The following PIK3C2G variants were observed in gnomAD, a reference collection of about 807,000 sequenced individuals.
PIK3C2G encodes the protein phosphatidylinositol 3-kinase C2 domain-containing subunit gamma.
Under a neutral mutation model 181.1 loss-of-function variants are expected in PIK3C2G, and 168 were observed. The ratio of observed to expected loss-of-function variants is 0.93; its 90% confidence interval spans 0.82 to 1.05. The LOEUF (loss-of-function observed/expected upper bound fraction) is 1.05, where lower values mean the gene tolerates loss of function less well. PIK3C2G is among the 50% of genes least tolerant of loss of function. The pLI, the probability that PIK3C2G is intolerant of heterozygous loss-of-function variation, is 0.00. For synonymous variants in PIK3C2G, 573 were observed against 592.2 expected (o/e 0.97, Z 0.47); for missense variants, 1,869 against 1,732.8 (o/e 1.08, Z -1.40).
chr12:18,416,266 G>T (rs889316380), intron 16 of PIK3C2G, among the ~76,000 whole-genome samples: 1 of 151,476 alleles, frequency 6.6e-6, no homozygotes, highest in East Asian at 1.9e-4. Flanking sequence ...GAAAAGAAAA[G>T]AAAAGAAGGA....
chr12:18,311,521 G>T (rs549620853), intron 5 of PIK3C2G, among the ~76,000 whole-genome samples: 1 of 131,002 alleles, frequency 7.6e-6, no homozygotes, highest in African/African-American at 2.8e-5. Context: ...CACCTATATG[G>T]TATAAAGGGG....
At chr12:18,434,441 T>C (rs1427103637) in intron 18 of PIK3C2G, among the ~76,000 whole-genome samples, 3 of 151,836 alleles carry the variant, frequency 2.0e-5, no homozygotes, top group Non-Finnish European at 4.4e-5. Flanking sequence ...CATATAATCA[T>C]AGAATCATAG....
At chr12:18,695,530 G>C in the PIK3C2G span, among the ~76,000 whole-genome samples, 5 of 152,090 alleles carry the variant, frequency 3.3e-5, no homozygotes, top group African/African-American at 1.2e-4. Context: ...CAATATGGAA[G>C]TACCTCAGTA....
intron 29 of PIK3C2G, among the ~76,000 whole-genome samples, chr12:18,579,860 C>G (rs915606871): frequency 6.6e-6 from 1 of 152,080 alleles, no homozygotes; most frequent in African/African-American, 2.4e-5. Context: ...AACTGCTGGG[C>G]GTGGTGGCTT....
At chr12:18,634,668 C>A (rs971898236) in intron 31 of PIK3C2G, among the ~76,000 whole-genome samples, 1 of 152,102 alleles carries the variant, frequency 6.6e-6, no homozygotes, top group African/African-American at 2.4e-5. Context: ...AATAAAAGTC[C>A]GTGTTGCTGA....
intron 18 of PIK3C2G, among the ~76,000 whole-genome samples, chr12:18,430,441 C>A (rs1946091432): frequency 6.6e-6 from 1 of 152,174 alleles, no homozygotes; most frequent in Admixed American, 6.5e-5. Context: ...AAGTGAGGCT[C>A]CCATTTGCAA....
chr12:18,566,045 T>C (rs1010883403), intron 28 of PIK3C2G, among the ~76,000 whole-genome samples: 42 of 152,312 alleles, frequency 2.8e-4, no homozygotes, highest in African/African-American at 9.9e-4. Context: ...TTAAAGACTT[T>C]TAAGTCTTAG....
intron 26 of PIK3C2G, among the ~76,000 whole-genome samples, chr12:18,549,850 C>T (rs1944630703): frequency 6.6e-6 from 1 of 151,936 alleles, no homozygotes; most frequent in Non-Finnish European, 1.5e-5. Flanking sequence ...TAAAGGGTAA[C>T]TTGGCAGCTG....
At chr12:18,394,318 C>G (rs904549128) in intron 15 of PIK3C2G, among the ~76,000 whole-genome samples, 1 of 151,914 alleles carries the variant, frequency 6.6e-6, no homozygotes, top group African/African-American at 2.4e-5. Context: ...GAGATCTGAC[C>G]CCTGAAAAAT....
intron 31 of PIK3C2G, among the ~76,000 whole-genome samples, chr12:18,624,528 T>G (rs529018248): frequency 6.6e-6 from 1 of 151,600 alleles, no homozygotes; most frequent in Non-Finnish European, 1.5e-5. Context: ...TCTCCCTATA[T>G]TGTAAGGGTA....
chr12:18,402,873 C>T (rs1219266379), intron 16 of PIK3C2G, among the ~76,000 whole-genome samples: 2 of 152,082 alleles, frequency 1.3e-5, no homozygotes, highest in East Asian at 1.9e-4. Flanking sequence ...CCCCTTAGTA[C>T]TATCTCATAT....
At chr12:18,300,095 G>C (rs1273444982) in intron 5 of PIK3C2G, among the ~76,000 whole-genome samples, 2 of 151,824 alleles carry the variant, frequency 1.3e-5, no homozygotes, top group Non-Finnish European at 2.9e-5. Flanking sequence ...TGACTAGTTT[G>C]AAAATAATTT....
intron 29 of PIK3C2G, among the ~76,000 whole-genome samples, chr12:18,573,279 C>T (rs529715851): frequency 5.3e-5 from 8 of 152,242 alleles, no homozygotes; most frequent in African/African-American, 7.2e-5. Flanking sequence ...TCAGATTATT[C>T]GAAACTGAAC....
At chr12:18,694,775 C>A in the PIK3C2G span, 1 of 675,224 alleles carries the variant, frequency 1.5e-6, no homozygotes, top group Admixed American at 3.2e-5. Flanking sequence ...GGAATACTAC[C>A]CACATATAGT....
the PIK3C2G span, among the ~76,000 whole-genome samples, chr12:18,675,962 A>C: frequency 6.6e-6 from 1 of 152,128 alleles, no homozygotes; most frequent in South Asian, 2.1e-4. Flanking sequence ...AAACATCACA[A>C]TTATATAGCC....
chr12:18,574,488 C>T (rs1256734925), intron 29 of PIK3C2G, among the ~76,000 whole-genome samples: 2 of 152,162 alleles, frequency 1.3e-5, no homozygotes, highest in Non-Finnish European at 2.9e-5. Flanking sequence ...CTGACTGCAT[C>T]TAGAATGGGC....
At chr12:18,369,500 T>C (rs1388347460) in intron 12 of PIK3C2G, among the ~76,000 whole-genome samples, 1 of 121,426 alleles carries the variant, frequency 8.2e-6, no homozygotes, top group African/African-American at 3.2e-5. Context: ...CATATGATCA[T>C]ATAACGATCG....
chr12:18,452,939 A>G (rs1947444870), intron 18 of PIK3C2G, among the ~76,000 whole-genome samples: 2 of 152,128 alleles, frequency 1.3e-5, no homozygotes, highest in Non-Finnish European at 2.9e-5. Context: ...ACTGTTTGTT[A>G]TGATTTCCAT....
chr12:18,412,527 G>A lies in PIK3C2G; in HGVS notation c.2316-8414G>A, dbSNP rs984163406. Among the ~76,000 whole-genome samples the A allele has an allele frequency of 6.6e-5, 10 of 152,070 alleles. No homozygotes were observed. In the East Asian group the frequency reaches 9.6e-4, roughly 15 times the overall value. Reference sequence around the variant, plus strand: ...ATTAAGCCACATATTAAAGAGACTCGCAAAAATGTAAAACAATATTACTAA... The same window carrying A: ...ATTAAGCCACATATTAAAGAGACTCACAAAAATGTAAAACAATATTACTAA... On this transcript the variant is annotated intron_variant, in intron 16 of 32. Transcript: ENST00000538779.
Sources: allele counts gnomAD v4.1 joint callset (sites outside exome capture counted in the v4.1 genomes callset), GRCh38; gene constraint gnomAD v4.1.1; transcripts MANE v1.5; gene names NCBI Gene and HGNC (gene_info 2026-07-23, HGNC 2026-07-21).